Variants in GPC4 observed in about 807,000 individuals in gnomAD.
GPC4 encodes glypican-4.
GPC4 carries 10 observed loss-of-function variants against 35.0 expected under a neutral mutation model. That is an observed-to-expected ratio of 0.29 (90% CI 0.18 to 0.48). GPC4 has a LOEUF of 0.48. GPC4 is among the 20% of genes least tolerant of loss of function. GPC4 has a pLI of 0.99. For synonymous variants in GPC4, 167 were observed against 170.2 expected, an observed-to-expected ratio of 0.98 and a Z score of 0.15; for missense variants, 322 against 451.3, an observed-to-expected ratio of 0.71 and a Z score of 2.60.
At chrX:133,381,697 GT>G (rs1387682740) in intron 1 of GPC4, among the ~76,000 whole-genome samples, 1 of 112,485 alleles carries the variant, frequency 8.9e-6, no homozygotes, top group Non-Finnish European at 1.9e-5. Context: ...GTGCTCCTAA[GT>G]TTCTTTGGTT....
At chrX:133,379,413 G>A (rs142989796) in intron 1 of GPC4, among the ~76,000 whole-genome samples, 1,372 of 112,025 alleles carry the variant, frequency 0.012, 28 homozygotes, top group African/African-American at 0.042. Context: ...GGGCTGGGGG[G>A]AGGCAGGAAT....
At chrX:133,400,645 G>A (rs1037996026) in intron 1 of GPC4, among the ~76,000 whole-genome samples, 1 of 112,030 alleles carries the variant, frequency 8.9e-6, no homozygotes, top group Admixed American at 9.5e-5. Flanking sequence ...GAGTTCATAT[G>A]TATAATCTCA....
At chrX:133,323,012 C>T (rs1443235306) in intron 3 of GPC4, among the ~76,000 whole-genome samples, 1 of 111,425 alleles carries the variant, frequency 9.0e-6, no homozygotes, top group Non-Finnish European at 1.9e-5. Context: ...AGCAGTGGAA[C>T]CCCTTTCCCC....
chrX:133,392,840 T>G (rs2068725722), intron 1 of GPC4, among the ~76,000 whole-genome samples: 1 of 110,800 alleles, frequency 9.0e-6, no homozygotes, highest in Non-Finnish European at 1.9e-5. Context: ...CCATGGATCT[T>G]TCAAAAACTG....
chrX:133,344,996 T>G (rs1014767528), intron 1 of GPC4, among the ~76,000 whole-genome samples: 2 of 112,608 alleles, frequency 1.8e-5, no homozygotes, highest in Non-Finnish European at 3.8e-5. Flanking sequence ...AGACTATGAT[T>G]TTGCATTGGC....
intron 3 of GPC4, among the ~76,000 whole-genome samples, chrX:133,319,158 T>G (rs779406906): frequency 1.8e-5 from 2 of 111,204 alleles, no homozygotes; most frequent in South Asian, 7.6e-4. Flanking sequence ...AAGACCTCTT[T>G]GTAGGCCGGG....
chrX:133,366,178 G>A (rs2068589038), intron 1 of GPC4, among the ~76,000 whole-genome samples: 1 of 112,284 alleles, frequency 8.9e-6, no homozygotes, highest in African/African-American at 3.2e-5. Context: ...GTAAAAGCAT[G>A]TCAGATCATA....
At chrX:133,406,542 G>A (rs1215005430) in intron 1 of GPC4, among the ~76,000 whole-genome samples, 1 of 109,746 alleles carries the variant, frequency 9.1e-6, no homozygotes, top group Non-Finnish European at 1.9e-5. Flanking sequence ...GAGGTCAGGA[G>A]TTCGAGACCA....
chrX:133,394,686 C>T (rs2068734706), intron 1 of GPC4, among the ~76,000 whole-genome samples: 1 of 111,244 alleles, frequency 9.0e-6, no homozygotes. Context: ...ATCAGGAGAA[C>T]CCTGACTCAG....
chrX:133,399,971 G>A (rs1422942732), intron 1 of GPC4, among the ~76,000 whole-genome samples: 3 of 111,512 alleles, frequency 2.7e-5, no homozygotes, highest in Admixed American at 1.9e-4. Flanking sequence ...CAGCCTGGGC[G>A]ACAGAGCAAG....
chrX:133,371,086 C>T (rs1048678117), intron 1 of GPC4, among the ~76,000 whole-genome samples: 3 of 112,306 alleles, frequency 2.7e-5, no homozygotes, highest in Non-Finnish European at 3.8e-5. Context: ...CGTACACACA[C>T]ATACAATTAG....
chrX:133,341,043 T>C (rs967050910), intron 1 of GPC4, among the ~76,000 whole-genome samples: 3 of 112,435 alleles, frequency 2.7e-5, no homozygotes, highest in African/African-American at 9.7e-5. Context: ...GCTGTGAGTC[T>C]GCAGAATATC....
chrX:133,331,894 G>A (rs7065655), intron 2 of GPC4, among the ~76,000 whole-genome samples: 47,047 of 110,323 alleles, frequency 0.43, 9,334 homozygotes, highest in African/African-American at 0.78. Flanking sequence ...GGGATCAAGG[G>A]TAATTTTTTT....
intron 3 of GPC4, among the ~76,000 whole-genome samples, chrX:133,313,520 A>C (rs1332812541): frequency 8.9e-6 from 1 of 111,970 alleles, no homozygotes; most frequent in East Asian, 2.8e-4. Flanking sequence ...CTGAAAGTTC[A>C]TTCCTTTAAA....
chrX:133,390,928 G>A (rs1008615992), intron 1 of GPC4, among the ~76,000 whole-genome samples: 11 of 111,546 alleles, frequency 9.9e-5, no homozygotes, highest in Non-Finnish European at 1.7e-4. Context: ...TCTTTCTCCC[G>A]CCTGGCAGTG....
At chrX:133,374,021 T>C (rs751764366) in intron 1 of GPC4, among the ~76,000 whole-genome samples, 9 of 111,297 alleles carry the variant, frequency 8.1e-5, no homozygotes, top group African/African-American at 2.9e-4. Context: ...AAAAATGTTC[T>C]AAATAGACTG....
intron 1 of GPC4, among the ~76,000 whole-genome samples, chrX:133,376,693 A>C (rs2068634920): frequency 8.9e-6 from 1 of 111,913 alleles, no homozygotes; most frequent in South Asian, 3.8e-4. Flanking sequence ...GGCACTATAC[A>C]CACGGGGTCG....
At chrX:133,344,516 C>G (rs1201901060) in intron 1 of GPC4, among the ~76,000 whole-genome samples, 1 of 110,053 alleles carries the variant, frequency 9.1e-6, no homozygotes, top group Non-Finnish European at 1.9e-5. Context: ...TGAGCCACCA[C>G]GCCCGGTGAC....
chrX:133,412,448 T>C (rs1228572941), intron 1 of GPC4, among the ~76,000 whole-genome samples: 1 of 111,706 alleles, frequency 9.0e-6, no homozygotes, highest in Admixed American at 9.5e-5. Flanking sequence ...TGGTGCGAAA[T>C]TGCACTGCAT....
Sources: allele counts gnomAD v4.1 joint callset (sites outside exome capture counted in the v4.1 genomes callset), GRCh38; gene constraint gnomAD v4.1.1; transcripts MANE v1.5; gene names NCBI Gene and HGNC (gene_info 2026-07-23, HGNC 2026-07-21).